The following GCSAML variants were observed in gnomAD, a reference collection of about 807,000 sequenced individuals.
The protein encoded by GCSAML is germinal center associated signaling and motility like.
A neutral mutation model predicts 13.0 loss-of-function variants in GCSAML; 9 were observed. The observed-to-expected ratio is 0.69, with a 90% CI of 0.42 to 1.21. GCSAML has a LOEUF of 1.21. Among genes scored for constraint, GCSAML ranks in the 50% most tolerant of loss-of-function variants. GCSAML has a pLI of 0.00. For missense variants in GCSAML, 143 were observed against 153.4 expected (o/e 0.93, Z 0.36); for synonymous variants, 37 against 52.9 (o/e 0.70, Z 1.31).
chr1:247,558,557 C>G (rs1403411549), intron 2 of GCSAML, among the ~76,000 whole-genome samples: 2 of 152,128 alleles, frequency 1.3e-5, no homozygotes, highest in African/African-American at 2.4e-5. Flanking sequence ...AACCACTGAT[C>G]TGATTTCTGT....
At chr1:247,511,034 T>C (rs753746810) in intron 1 of GCSAML, among the ~76,000 whole-genome samples, 23 of 152,208 alleles carry the variant, frequency 1.5e-4, no homozygotes, top group Non-Finnish European at 2.9e-4. Flanking sequence ...AGAGCTGAGT[T>C]CAAGTCCTGA....
At chr1:247,546,030 G>A (rs572099261), upstream of GCSAML, among the ~76,000 whole-genome samples, 1 of 152,244 alleles carries the variant, frequency 6.6e-6, no homozygotes, top group Non-Finnish European at 1.5e-5. Flanking sequence ...CTTGACTGTG[G>A]TGATGGTAGC....
rs10597982 is a variant in GCSAML at position 247,520,526 on chromosome 1, T to TCACACA, written c.-262-6397_-262-6392dup. Among the ~76,000 whole-genome samples, 1,424 of 150,392 alleles carry TCACACA rather than the reference T, an allele frequency of 9.5e-3. 11 individuals are homozygous for TCACACA. The highest frequency in any genetic ancestry group is 0.032 in the African/African-American group (1,328 of 41,042). The stretch of plus-strand genomic sequence containing the variant: ...TCTTCAGATAAGTACCCCCACCTCT[T>TCACACA]CACACACACACACACACACACATCT... On this transcript the variant is annotated intron_variant, in intron 1 of 5. Transcript: ENST00000366489.
chr1:247,508,947 C>G (rs1352915582), intron 1 of GCSAML, among the ~76,000 whole-genome samples: 2 of 152,082 alleles, frequency 1.3e-5, no homozygotes, highest in Non-Finnish European at 2.9e-5. Flanking sequence ...ATACCTCCAG[C>G]TTTGTTCTTT....
chr1:247,531,887 C>A (rs1177557332), intron 2 of GCSAML: 1 of 1,614,172 alleles, frequency 6.2e-7, no homozygotes, highest in Non-Finnish European at 8.5e-7. Context: ...AGAGGCAGGA[C>A]AACAAAGACA....
intron 1 of GCSAML, among the ~76,000 whole-genome samples, chr1:247,515,060 AT>A (rs1666166812): frequency 6.6e-6 from 1 of 152,128 alleles, no homozygotes; most frequent in South Asian, 2.1e-4. Flanking sequence ...CAGTATGGTC[AT>A]TTTCATAATA....
intron 1 of GCSAML, among the ~76,000 whole-genome samples, chr1:247,517,915 G>A (rs1666270000): frequency 6.6e-6 from 1 of 152,178 alleles, no homozygotes; most frequent in South Asian, 2.1e-4. Context: ...TGGGGTTCTG[G>A]AGAGGCCAAA....
intron 2 of GCSAML, among the ~76,000 whole-genome samples, chr1:247,558,843 T>C (rs1021850782): frequency 2.6e-5 from 4 of 152,200 alleles, no homozygotes; most frequent in Admixed American, 6.5e-5. Flanking sequence ...TGGACCTGAG[T>C]AGTTTTTAAA....
intron 2 of GCSAML, among the ~76,000 whole-genome samples, chr1:247,542,033 G>A (rs1189252163): frequency 6.6e-6 from 1 of 151,188 alleles, no homozygotes; most frequent in African/African-American, 2.4e-5. Context: ...AAAAAAAAAG[G>A]AAAAAGAAAA....
chr1:247,528,991 C>T (rs1666796035), intron 2 of GCSAML: 1 of 151,748 alleles, frequency 6.6e-6, no homozygotes, highest in Admixed American at 6.6e-5. Flanking sequence ...CTCATTGAGC[C>T]TATGAGAAAT....
chr1:247,540,301 G>A (rs1323538016), intron 2 of GCSAML, among the ~76,000 whole-genome samples: 2 of 152,200 alleles, frequency 1.3e-5, no homozygotes, highest in African/African-American at 2.4e-5. Context: ...AAAGTGCTGG[G>A]ATTATAGGCT....
At chr1:247,543,135 C>T (rs1449452934) in intron 2 of GCSAML, among the ~76,000 whole-genome samples, 1 of 152,176 alleles carries the variant, frequency 6.6e-6, no homozygotes, top group Non-Finnish European at 1.5e-5. Context: ...AAAGAAATGC[C>T]CATCGTTTGG....
At chr1:247,572,932 A>C (rs1036946507) in intron 4 of GCSAML, among the ~76,000 whole-genome samples, 1 of 152,212 alleles carries the variant, frequency 6.6e-6, no homozygotes, top group East Asian at 1.9e-4. Context: ...GAGTGGGCTC[A>C]GTCCAGCCCA....
chr1:247,539,871 C>G (rs77649298), intron 2 of GCSAML, among the ~76,000 whole-genome samples: 1 of 152,170 alleles, frequency 6.6e-6, no homozygotes, highest in African/African-American at 2.4e-5. Flanking sequence ...GTAAATACCC[C>G]ATGTTGTTTC....
chr1:247,521,324 A>ACG (rs201179594), intron 1 of GCSAML, among the ~76,000 whole-genome samples: 10 of 138,586 alleles, frequency 7.2e-5, no homozygotes, highest in South Asian at 2.4e-4. Flanking sequence ...CTCCCTCTCC[A>ACG]GTCTCCCTCT....
chr1:247,573,342 G>T (rs998870827), intron 4 of GCSAML, among the ~76,000 whole-genome samples: 4 of 152,174 alleles, frequency 2.6e-5, no homozygotes, highest in Admixed American at 2.0e-4. Context: ...GAATCTCCTG[G>T]TCTGTGGGTT....
intron 2 of GCSAML, chr1:247,531,014 T>A (rs766090900): frequency 6.5e-6 from 1 of 153,966 alleles, no homozygotes; most frequent in East Asian, 1.9e-4. Context: ...TGCCACCAGG[T>A]CCCCGAGGTA....
At chr1:247,516,407 C>T (rs950356452) in intron 1 of GCSAML, among the ~76,000 whole-genome samples, 3 of 152,186 alleles carry the variant, frequency 2.0e-5, no homozygotes, top group African/African-American at 7.2e-5. Flanking sequence ...GTCCATGTTA[C>T]AATTTCCAAG....
chr1:247,559,286 G>A (rs74227709), intron 2 of GCSAML, among the ~76,000 whole-genome samples: 8,335 of 152,214 alleles, frequency 0.055, 225 homozygotes, highest in Middle Eastern at 0.082. Context: ...CTTGTTATTA[G>A]CTGAGAGAAA....
Sources: allele counts gnomAD v4.1 joint callset (sites outside exome capture counted in the v4.1 genomes callset), GRCh38; gene constraint gnomAD v4.1.1; transcripts MANE v1.5; gene names NCBI Gene and HGNC (gene_info 2026-07-23, HGNC 2026-07-21).